STK32C: variants seen among roughly 807,000 people sequenced by gnomAD.
STK32C encodes the protein serine/threonine kinase 32C.
A neutral mutation model predicts 56.5 loss-of-function variants in STK32C; 31 were observed. That is an observed-to-expected ratio of 0.55 (90% CI 0.41 to 0.74). STK32C has a LOEUF of 0.74. Among genes scored for constraint, STK32C ranks in the 30% least tolerant of loss-of-function variants. The pLI, the probability that STK32C is intolerant of heterozygous loss-of-function variation, is 0.00. For missense variants in STK32C, 544 were observed against 676.9 expected (o/e 0.80, Z 2.18); for synonymous variants, 309 against 289.4 (o/e 1.07, Z -0.69).
At chr10:132,223,062 G>C (rs1348071564) in intron 8 of STK32C, 76 bp from the exon 9 acceptor site, 1 of 1,503,546 alleles carries the variant, frequency 6.7e-7, no homozygotes, top group East Asian at 2.5e-5. Context: ...CCCCAGGCCA[G>C]GGCACCTTGA....
chr10:132,314,404 C>T lies in STK32C; in HGVS notation c.301+17032G>A, dbSNP rs141764558. Among the ~76,000 whole-genome samples the T allele has an allele frequency of 1.0e-3, 157 of 152,134 alleles. 2 individuals are homozygous for T. The highest frequency in any genetic ancestry group is 3.4e-3 in the African/African-American group (140 of 41,480). On this transcript the variant is annotated intron_variant, in intron 1 of 3. Coordinates refer to the STK32C transcript ENST00000368620. ...TGCCTTTAAAAAGTGGCCCAGCTAA[C>T]GAGCCAACAGAGGAGATACAATGTA...
intron 2 of STK32C, among the ~76,000 whole-genome samples, chr10:132,241,638 C>CTTAT (rs2063503370): frequency 6.6e-6 from 1 of 152,174 alleles, no homozygotes; most frequent in Admixed American, 6.5e-5. Flanking sequence ...GAAAAATAAA[C>CTTAT]ACGAAGGAAG....
intron 3 of STK32C, among the ~76,000 whole-genome samples, chr10:132,227,253 T>C (rs2062921904): frequency 6.6e-6 from 1 of 152,224 alleles, no homozygotes; most frequent in South Asian, 2.1e-4. Flanking sequence ...CAGTGCCAGC[T>C]CCGGGTGCTT....
rs533538573 is a variant in STK32C, at chr10:132,269,331, G to C, written c.263-23376C>G. On this transcript the variant is annotated intron_variant, in intron 1 of 11. Transcript: ENST00000298630. ...GCTGATTACGTGCCTGGCCTCATCT[G>C]ACCGACACATGGTGCCTGGAGCCTG... Among the ~76,000 whole-genome samples, 5 of 152,340 alleles carry C rather than the reference G, an allele frequency of 3.3e-5. No individual in the cohort carries two copies. The East Asian group carries it at 9.6e-4, about 29-fold the overall frequency.
chr10:132,288,915 A>G (rs927516330), intron 1 of STK32C, among the ~76,000 whole-genome samples: 1 of 152,234 alleles, frequency 6.6e-6, no homozygotes, highest in Non-Finnish European at 1.5e-5. Flanking sequence ...AGTCTGAATC[A>G]ACATCTTGGC....
chr10:132,267,016 G>A (rs560402918), intron 1 of STK32C, among the ~76,000 whole-genome samples: 23 of 152,250 alleles, frequency 1.5e-4, no homozygotes, highest in African/African-American at 4.3e-4. Context: ...GTCACTGAGC[G>A]GGCAGCCCCC....
intron 2 of STK32C, among the ~76,000 whole-genome samples, chr10:132,236,481 C>T (rs998127735): frequency 2.6e-5 from 4 of 152,224 alleles, no homozygotes; most frequent in African/African-American, 7.2e-5. Flanking sequence ...GTGTCTGCCA[C>T]GTGTGGGCCC....
At chr10:132,220,484 C>A (rs115929534) in intron 10 of STK32C, among the ~76,000 whole-genome samples, 1 of 152,334 alleles carries the variant, frequency 6.6e-6, no homozygotes, top group African/African-American at 2.4e-5. Context: ...TCACATGGAA[C>A]ACGAACCACG....
intron 2 of STK32C, among the ~76,000 whole-genome samples, chr10:132,243,177 C>G (rs1220563806): frequency 6.6e-6 from 1 of 152,240 alleles, no homozygotes; most frequent in African/African-American, 2.4e-5. Context: ...AGGAATGGGG[C>G]TGCCCCCATC....
At chr10:132,266,374 TTC>T (rs2064527982) in intron 1 of STK32C, among the ~76,000 whole-genome samples, 1 of 152,146 alleles carries the variant, frequency 6.6e-6, no homozygotes, top group Non-Finnish European at 1.5e-5. Flanking sequence ...GAGGACAACG[TTC>T]TCTGTCTCCA....
In STK32C at chr10:132,255,309, G is replaced by C. The variant is rs188409009; in HGVS notation, c.263-9354C>G. Among the ~76,000 whole-genome samples the C allele has an allele frequency of 6.6e-6, 1 of 152,080 alleles. No homozygotes were observed. The highest frequency in any genetic ancestry group is 1.5e-5 in the Non-Finnish European group (1 of 68,008). The stretch of plus-strand genomic sequence containing the variant: ...CGGGCCAGGTGGAAGAGTTGGAACC[G>C]GCCCGATAGCTCCTCCTGGCAATGG... On this transcript the variant is annotated intron_variant, in intron 1 of 11. Coordinates refer to ENST00000298630, the MANE Select transcript of STK32C (RefSeq NM_173575.4). This position sits in a 1 kb window ranked among gnomAD's most constrained non-coding sequence, Gnocchi z 4.6.
rs1244532643 is a variant in STK32C, at chr10:132,210,996, GAGA to G, written c.1252-1898_1252-1896del. Among the ~76,000 whole-genome samples the G allele has an allele frequency of 2.6e-5, 4 of 152,310 alleles. No homozygotes were observed. The East Asian group carries it at 5.8e-4, about 22-fold the overall frequency. On this transcript the variant is annotated intron_variant, in intron 10 of 11. Coordinates refer to ENST00000298630, the MANE Select transcript of STK32C (RefSeq NM_173575.4). Reference sequence around the variant, plus strand: ...GCGGCCAGCACCTTGCCAAGGACTCGAGAAGAAGCCGGCAGACTCCCACGCTCT... The same window carrying G: ...GCGGCCAGCACCTTGCCAAGGACTCGAGAAGCCGGCAGACTCCCACGCTCT...
intron 1 of STK32C, among the ~76,000 whole-genome samples, chr10:132,300,966 CT>C (rs2065895177): frequency 6.6e-6 from 1 of 152,156 alleles, no homozygotes; most frequent in South Asian, 2.1e-4. Context: ...CTCAACGGAG[CT>C]TTTTAGGTGA....
intron 1 of STK32C, among the ~76,000 whole-genome samples, chr10:132,325,161 G>A (rs1457948036): frequency 1.3e-5 from 2 of 152,172 alleles, no homozygotes; most frequent in Non-Finnish European, 2.9e-5. Context: ...TGTTGTGGGA[G>A]GGACCCGGTG....
intron 8 of STK32C, 98 bp from the exon 9 acceptor site, chr10:132,223,084 C>G: frequency 1.4e-6 from 2 of 1,451,454 alleles, no homozygotes. Flanking sequence ...GAGGGTCCCA[C>G]CAAGCCTGAG....
At chr10:132,228,278 G>T in intron 2 of STK32C, 150 bp from the exon 3 acceptor site, 4 of 876,234 alleles carry the variant, frequency 4.6e-6, no homozygotes, top group Non-Finnish European at 7.5e-6. Flanking sequence ...CCTCCTAGAC[G>T]CGGCAGGTGC....
intron 2 of STK32C, among the ~76,000 whole-genome samples, chr10:132,230,629 T>C (rs1005228229): frequency 1.5e-5 from 2 of 131,848 alleles, no homozygotes; most frequent in Non-Finnish European, 3.1e-5. Flanking sequence ...GGAGCCTGGC[T>C]TGGGGCCACT....
At chr10:132,315,492 A>G (rs963747758) in intron 1 of STK32C, among the ~76,000 whole-genome samples, 5 of 124,434 alleles carry the variant, frequency 4.0e-5, no homozygotes, top group Non-Finnish European at 9.6e-5. Context: ...AAATAAATAA[A>G]TAGATAGCAC....
At chr10:132,283,677 G>A (rs571864564) in intron 1 of STK32C, among the ~76,000 whole-genome samples, 12 of 152,314 alleles carry the variant, frequency 7.9e-5, no homozygotes, top group African/African-American at 2.9e-4. Flanking sequence ...GAGAGGAGGA[G>A]GGAGAGGCCG....
Sources: gnomAD v4.1 joint callset for allele counts (sites outside exome capture counted in the v4.1 genomes callset) on GRCh38, gnomAD v4.1.1 for gene constraint, Gnocchi (gnomAD v3.1) non-coding constraint, MANE v1.5 for transcripts, NCBI Gene and HGNC (gene_info 2026-07-23, HGNC 2026-07-21) for gene names.